The following CARMIL1 variants were observed in gnomAD, a reference collection of about 807,000 sequenced individuals.
The protein encoded by CARMIL1 is capping protein regulator and myosin 1 linker 1.
CARMIL1 carries 90 observed loss-of-function variants against 177.1 expected under a neutral mutation model. The observed-to-expected ratio is 0.51, with a 90% CI of 0.43 to 0.61. The LOEUF is 0.61. Ranked by LOEUF, CARMIL1 falls within the 20% of genes least tolerant of loss-of-function variation. CARMIL1 has a pLI of 0.00. For missense variants in CARMIL1, 1,380 were observed against 1,667.0 expected (o/e 0.83, Z 3.00); for synonymous variants, 577 against 606.2 (o/e 0.95, Z 0.71).
Position 25,619,626 on chromosome 6 carries a change from A to G in CARMIL1, c.*43A>G, listed in dbSNP as rs1759576079. ...GTCTTCCTGTGCAGGGTGCTTTGGT[A>G]GCCATCAGAGAGGAACCAAGGGCAA... On this transcript the variant is annotated 3_prime_UTR_variant, in exon 37 of 37. Coordinates refer to ENST00000329474, the MANE Select transcript of CARMIL1 (RefSeq NM_017640.6). The G allele has an allele frequency of 1.3e-6, 2 of 1,576,122 alleles. No individual in the cohort carries two copies. Among genetic ancestry groups the G allele is most frequent in the Non-Finnish European group, 8.6e-7 (1 of 1,161,098 alleles).
At chr6:25,390,405 T>G (rs765139842) in intron 2 of CARMIL1, among the ~76,000 whole-genome samples, 19 of 146,646 alleles carry the variant, frequency 1.3e-4, no homozygotes, top group Non-Finnish European at 2.8e-4. Flanking sequence ...CATTGCAACC[T>G]CTGCCTCTTG....
chr6:25,619,469 G>C lies in CARMIL1; in HGVS notation c.4002G>C (p.Gln1334His). 6.2e-7 allele frequency: 1 copy of C among 1,612,712 alleles called. No individual in the cohort carries two copies. The highest frequency in any genetic ancestry group is 8.5e-7 in the Non-Finnish European group (1 of 1,179,424). The change falls in exon 37 of 37, where the codon CAG becomes CAC. Residue 1334 changes from glutamine to histidine, a missense_variant. Physicochemically the swap from Gln to His is conservative, Grantham distance 24 (BLOSUM62 0). Coordinates refer to ENST00000329474, the MANE Select transcript of CARMIL1 (RefSeq NM_017640.6). ...CAGTTTCAAGGAGAAGCTGGGGCCA[G>C]CAGGCCCAGGAGTATCAAGAACAAA... ...SQEVSRRSWG[Q>H]QAQEYQEQKQ... is the part of the protein sequence containing the mutation.
intron 29 of CARMIL1, among the ~76,000 whole-genome samples, chr6:25,562,357 C>A (rs1483808150): frequency 6.6e-6 from 1 of 151,928 alleles, no homozygotes; most frequent in Non-Finnish European, 1.5e-5. Context: ...AAGCAATTGT[C>A]CTGCCTCAGC....
intron 2 of CARMIL1, among the ~76,000 whole-genome samples, chr6:25,303,114 A>G (rs1360110922): frequency 2.7e-5 from 4 of 147,596 alleles, no homozygotes; most frequent in African/African-American, 1.0e-4. Context: ...TTGGCTGGTT[A>G]TAGGCATCTC....
At chr6:25,512,686 A>G (rs1026708983) in intron 20 of CARMIL1, among the ~76,000 whole-genome samples, 1 of 152,208 alleles carries the variant, frequency 6.6e-6, no homozygotes, top group Admixed American at 6.5e-5. Flanking sequence ...AGTATTATAC[A>G]TTATGTTCAA....
At chr6:25,465,675 A>G in intron 8 of CARMIL1, 198 bp from the exon 9 acceptor site, 1 of 555,292 alleles carries the variant, frequency 1.8e-6, no homozygotes, top group Non-Finnish European at 3.2e-6. Context: ...CAGAGTCCCT[A>G]GAGACAATTT....
intron 2 of CARMIL1, among the ~76,000 whole-genome samples, chr6:25,383,237 G>A (rs1267860069): frequency 1.3e-5 from 2 of 152,142 alleles, no homozygotes; most frequent in Non-Finnish European, 2.9e-5. Flanking sequence ...TGGGAATAAG[G>A]TAGGCTCGGA....
intron 31 of CARMIL1, among the ~76,000 whole-genome samples, chr6:25,593,317 C>T (rs1420646831): frequency 3.9e-5 from 6 of 152,276 alleles, no homozygotes; most frequent in East Asian, 1.9e-4. Flanking sequence ...TATTCTCTGG[C>T]GTCTCCAATT....
At chr6:25,353,090 G>C (rs1178729502) in intron 2 of CARMIL1, among the ~76,000 whole-genome samples, 1 of 152,176 alleles carries the variant, frequency 6.6e-6, no homozygotes, top group Non-Finnish European at 1.5e-5. Context: ...GGTCCTGGCT[G>C]TCCTGCTCAG....
At chr6:25,437,577 C>A (rs1797343102) in intron 5 of CARMIL1, among the ~76,000 whole-genome samples, 6 of 152,160 alleles carry the variant, frequency 3.9e-5, no homozygotes, top group Admixed American at 3.9e-4. Context: ...AGGTCTTCGT[C>A]CCCACCTACC....
rs1810828363 is a variant in CARMIL1 at position 25,558,472 on chromosome 6, G to T, written c.2742+1622G>T. Among the ~76,000 whole-genome samples the T allele has an allele frequency of 6.6e-6, 1 of 152,156 alleles. No homozygotes were observed. The highest frequency in any genetic ancestry group is 2.1e-4 in the South Asian group (1 of 4,836). Reference sequence around the variant, plus strand: ...ATTTGGTTTAGTTTTGTGAAAGGAAGAAAAAGGTTGTTTGTTTGTTTTAAG... The same window carrying T: ...ATTTGGTTTAGTTTTGTGAAAGGAATAAAAAGGTTGTTTGTTTGTTTTAAG... On this transcript the variant is annotated intron_variant, in intron 29 of 36. Coordinates refer to ENST00000329474, the MANE Select transcript of CARMIL1 (RefSeq NM_017640.6). This position sits in a 1 kb window ranked among gnomAD's most constrained non-coding sequence, Gnocchi z 4.1.
chr6:25,351,298 G>A (rs1009825235), intron 2 of CARMIL1, among the ~76,000 whole-genome samples: 2 of 152,070 alleles, frequency 1.3e-5, no homozygotes, highest in South Asian at 2.1e-4. Flanking sequence ...GGATATATGA[G>A]GTTAAATAAA....
intron 2 of CARMIL1, among the ~76,000 whole-genome samples, chr6:25,299,978 C>CAAAA (rs201932888): frequency 2.1e-5 from 2 of 96,378 alleles, no homozygotes; most frequent in East Asian, 3.6e-4. Context: ...GACTCCACCT[C>CAAAA]AAAAAAAAAA....
chr6:25,602,936 A>T (rs1247861745), intron 33 of CARMIL1, among the ~76,000 whole-genome samples: 1 of 152,224 alleles, frequency 6.6e-6, no homozygotes, highest in Non-Finnish European at 1.5e-5. Flanking sequence ...GAATACTTAG[A>T]GTTCATATAT....
chr6:25,596,155 G>GGGTAAATTTTTGGTAAATTTTT (rs58751025), intron 32 of CARMIL1, among the ~76,000 whole-genome samples: 27,929 of 151,854 alleles, frequency 0.18, 2,794 homozygotes, highest in East Asian at 0.41. Flanking sequence ...AATGAAAGTT[G>GGGTAAATTTTTGGTAAATTTTT]GGTAAATTTT....
chr6:25,354,129 G>C (rs1192479305), intron 2 of CARMIL1, among the ~76,000 whole-genome samples: 6 of 152,036 alleles, frequency 3.9e-5, no homozygotes, highest in Non-Finnish European at 8.8e-5. Context: ...ATATGTTCTG[G>C]TCAATTAAAT....
intron 2 of CARMIL1, among the ~76,000 whole-genome samples, chr6:25,292,706 CT>C (rs947194035): frequency 6.6e-6 from 1 of 152,108 alleles, no homozygotes; most frequent in Non-Finnish European, 1.5e-5. Flanking sequence ...CTCGGTGTAA[CT>C]TTTCATTGTT....
At chr6:25,284,391 C>T (rs1781372456) in intron 1 of CARMIL1, among the ~76,000 whole-genome samples, 1 of 152,106 alleles carries the variant, frequency 6.6e-6, no homozygotes, top group African/African-American at 2.4e-5. Context: ...TGGGTGATAA[C>T]CATCCAACTT....
At chr6:25,511,421 C>T (rs1224026045) in intron 20 of CARMIL1, among the ~76,000 whole-genome samples, 3 of 152,112 alleles carry the variant, frequency 2.0e-5, no homozygotes, top group African/African-American at 4.8e-5. Context: ...TGGTGTGTTA[C>T]ACCTTATATT....
Sources: allele counts gnomAD v4.1 joint callset (sites outside exome capture counted in the v4.1 genomes callset), GRCh38; gene constraint gnomAD v4.1.1; non-coding constraint Gnocchi (gnomAD v3.1); transcripts MANE v1.5; gene names NCBI Gene and HGNC (gene_info 2026-07-23, HGNC 2026-07-21).